SAMD5: variants seen among roughly 807,000 people sequenced by gnomAD.
The protein encoded by SAMD5 is sterile alpha motif domain containing 5, also known as sterile alpha motif domain-containing protein 5.
Under a neutral mutation model 11.3 loss-of-function variants are expected in SAMD5, and 13 were observed. The observed-to-expected ratio is 1.15, with a 90% CI of 0.75 to 1.83. The LOEUF (loss-of-function observed/expected upper bound fraction) is 1.83, where lower values mean the gene tolerates loss of function less well. Ranked by LOEUF, SAMD5 falls within the 40% of genes most tolerant of loss-of-function variation. The probability of loss-of-function intolerance (pLI) is 0.00; values close to 1 mark genes in which losing one functional copy is unlikely to be tolerated. For missense variants in SAMD5, 255 were observed against 239.1 expected, an observed-to-expected ratio of 1.07 and a Z score of -0.44; for synonymous variants, 129 against 111.3, an observed-to-expected ratio of 1.16 and a Z score of -1.00.
the SAMD5 span, among the ~76,000 whole-genome samples, chr6:147,884,745 CA>C: frequency 6.6e-6 from 1 of 152,144 alleles, no homozygotes; most frequent in African/African-American, 2.4e-5. Flanking sequence ...GCTAATTATA[CA>C]AACACTAATT....
intron 1 of SAMD5, among the ~76,000 whole-genome samples, chr6:147,714,040 G>A (rs1328867867): frequency 6.6e-6 from 1 of 152,148 alleles, no homozygotes; most frequent in Non-Finnish European, 1.5e-5. Context: ...AAATAAAACA[G>A]CCCTAAAAGA....
chr6:147,675,227 T>C (rs1562348883), intron 1 of SAMD5, among the ~76,000 whole-genome samples: 1 of 152,240 alleles, frequency 6.6e-6, no homozygotes, highest in Non-Finnish European at 1.5e-5. Context: ...TTAGGTTTTA[T>C]GGATAGCCTA....
the SAMD5 span, among the ~76,000 whole-genome samples, chr6:147,920,679 A>AT: frequency 6.6e-6 from 1 of 152,340 alleles, no homozygotes; most frequent in East Asian, 1.9e-4. Context: ...GGAGCCATCC[A>AT]TCCAAGGAGT....
intron 1 of SAMD5, among the ~76,000 whole-genome samples, chr6:147,628,462 C>T (rs1790090529): frequency 6.6e-6 from 1 of 152,068 alleles, no homozygotes; most frequent in South Asian, 2.1e-4. Context: ...AACAGATCAC[C>T]AGGAGCCACA....
chr6:147,906,515 A>T, the SAMD5 span, among the ~76,000 whole-genome samples: 5 of 152,228 alleles, frequency 3.3e-5, no homozygotes, highest in Admixed American at 3.3e-4. Context: ...AAAAGAATCC[A>T]TCTGGTGACG....
At chr6:147,558,709 A>C (rs1359753173) in intron 1 of SAMD5, among the ~76,000 whole-genome samples, 4 of 150,148 alleles carry the variant, frequency 2.7e-5, no homozygotes, top group African/African-American at 7.4e-5. Context: ...GCCCTCCCTC[A>C]CTCACCTCCA....
intron 1 of SAMD5, among the ~76,000 whole-genome samples, chr6:147,509,759 T>C (rs1480425470): frequency 6.6e-6 from 1 of 152,202 alleles, no homozygotes; most frequent in African/African-American, 2.4e-5. Flanking sequence ...AAATGGTTAA[T>C]ACCTACATTG....
At chr6:147,953,951 A>G in the SAMD5 span, 1 of 152,344 alleles carries the variant, frequency 6.6e-6, no homozygotes, top group South Asian at 2.1e-4. Context: ...TTATCATAGA[A>G]AGAGCTAAAA....
chr6:147,906,433 G>A, the SAMD5 span, among the ~76,000 whole-genome samples: 1 of 152,310 alleles, frequency 6.6e-6, no homozygotes, highest in Middle Eastern at 3.4e-3. Flanking sequence ...TTACACCCCA[G>A]ATTCTACAGA....
chr6:147,703,506 C>G (rs768249423), intron 1 of SAMD5, among the ~76,000 whole-genome samples: 16 of 152,200 alleles, frequency 1.1e-4, no homozygotes, highest in African/African-American at 3.4e-4. Flanking sequence ...TTTCCACACA[C>G]GAGAACTTTT....
chr6:147,532,912 C>G (rs1788451677), intron 1 of SAMD5, among the ~76,000 whole-genome samples: 2 of 152,168 alleles, frequency 1.3e-5, no homozygotes, highest in South Asian at 4.1e-4. Context: ...CCTGCACTAC[C>G]GAGAGGGCAT....
At chr6:147,891,227 A>G in the SAMD5 span, among the ~76,000 whole-genome samples, 2 of 152,236 alleles carry the variant, frequency 1.3e-5, no homozygotes, top group East Asian at 3.8e-4. Flanking sequence ...AGAATTGCAT[A>G]GTCTACATAA....
chr6:147,879,702 C>T, the SAMD5 span, among the ~76,000 whole-genome samples: 1 of 152,024 alleles, frequency 6.6e-6, no homozygotes, highest in African/African-American at 2.4e-5. Context: ...TTTTTTAAAG[C>T]ATGTCCTAAA....
the SAMD5 span, among the ~76,000 whole-genome samples, chr6:147,808,480 A>G: frequency 1.3e-5 from 2 of 152,146 alleles, no homozygotes; most frequent in African/African-American, 4.8e-5. Flanking sequence ...GTGGGATTAC[A>G]TATGTGAGCC....
chr6:147,747,677 AT>A, the SAMD5 span, among the ~76,000 whole-genome samples: 1,840 of 151,794 alleles, frequency 0.012, 15 homozygotes, highest in Non-Finnish European at 0.02. Flanking sequence ...CGCCCGGCTA[AT>A]TTTTTTTGTA....
At chr6:147,814,835 G>A in the SAMD5 span, among the ~76,000 whole-genome samples, 1 of 152,102 alleles carries the variant, frequency 6.6e-6, no homozygotes, top group African/African-American at 2.4e-5. Context: ...TAGTAAATAG[G>A]CCAGAGGGAA....
intron 1 of SAMD5, among the ~76,000 whole-genome samples, chr6:147,609,502 T>G (rs559296403): frequency 1.1e-4 from 16 of 152,272 alleles, no homozygotes; most frequent in Admixed American, 6.5e-4. Flanking sequence ...TGAAAGACAT[T>G]ATTTCCCATC....
chr6:147,864,950 T>C, the SAMD5 span, among the ~76,000 whole-genome samples: 1 of 152,334 alleles, frequency 6.6e-6, no homozygotes, highest in East Asian at 1.9e-4. Context: ...GCTTCACCTA[T>C]GTAAGTGAAA....
intron 1 of SAMD5, among the ~76,000 whole-genome samples, chr6:147,707,424 T>A (rs1217535914): frequency 6.6e-6 from 1 of 152,152 alleles, no homozygotes; most frequent in Non-Finnish European, 1.5e-5. Flanking sequence ...TGCAATGGTG[T>A]TAAAGTAATG....
Sources: gnomAD v4.1 joint callset for allele counts (sites outside exome capture counted in the v4.1 genomes callset) on GRCh38, gnomAD v4.1.1 for gene constraint, MANE v1.5 for transcripts, NCBI Gene and HGNC (gene_info 2026-07-23, HGNC 2026-07-21) for gene names.